The following KYNU variants were observed in gnomAD, a reference collection of about 807,000 sequenced individuals.
The protein encoded by KYNU is L-kynurenine hydrolase.
In KYNU, 54 loss-of-function variants were observed where a neutral mutation model predicts 59.2. The observed-to-expected ratio is 0.91, with a 90% CI of 0.73 to 1.14. The LOEUF (loss-of-function observed/expected upper bound fraction) is 1.14, where lower values mean the gene tolerates loss of function less well. Among genes scored for constraint, KYNU ranks in the 50% most tolerant of loss-of-function variants. The probability of loss-of-function intolerance (pLI) is 0.00; values close to 1 mark genes in which losing one functional copy is unlikely to be tolerated. For missense variants in KYNU, 567 were observed against 554.4 expected (o/e 1.02, Z -0.23); for synonymous variants, 177 against 192.0 (o/e 0.92, Z 0.65).
At chr2:142,972,411 C>A (rs1037548270) in intron 8 of KYNU, among the ~76,000 whole-genome samples, 14 of 152,116 alleles carry the variant, frequency 9.2e-5, no homozygotes, top group Non-Finnish European at 1.8e-4. Context: ...TATCTCTCAT[C>A]TCTGGATTTG....
chr2:143,031,151 C>T (rs949752755), intron 11 of KYNU, among the ~76,000 whole-genome samples: 5 of 152,144 alleles, frequency 3.3e-5, no homozygotes, highest in Non-Finnish European at 5.9e-5. Context: ...CCAGTCAAGT[C>T]AGGATACCTG....
At chr2:142,896,532 GC>G in intron 2 of KYNU, among the ~76,000 whole-genome samples, 1 of 151,874 alleles carries the variant, frequency 6.6e-6, no homozygotes, top group South Asian at 2.1e-4. Context: ...GGATTTTGGA[GC>G]TTTTTGTTTT....
At chr2:142,987,037 T>A (rs1277381226) in intron 10 of KYNU, among the ~76,000 whole-genome samples, 1 of 151,834 alleles carries the variant, frequency 6.6e-6, no homozygotes, top group African/African-American at 2.4e-5. Context: ...TTAAATATCT[T>A]TGGACAGATA....
intron 8 of KYNU, among the ~76,000 whole-genome samples, chr2:142,963,387 A>G (rs1684416889): frequency 6.6e-6 from 1 of 152,158 alleles, no homozygotes; most frequent in Non-Finnish European, 1.5e-5. Flanking sequence ...ACATAAATAT[A>G]TTGCTCACAG....
intron 10 of KYNU, among the ~76,000 whole-genome samples, chr2:142,988,246 C>A (rs1685280960): frequency 6.6e-6 from 1 of 151,866 alleles, no homozygotes; most frequent in Non-Finnish European, 1.5e-5. Flanking sequence ...TTAGTACTGA[C>A]CCCTAAGTAC....
chr2:143,017,618 A>T (rs1463987616), intron 10 of KYNU, among the ~76,000 whole-genome samples: 1 of 151,330 alleles, frequency 6.6e-6, no homozygotes, highest in East Asian at 1.9e-4. Context: ...TTGTATTTTT[A>T]GTAGAGACAT....
intron 8 of KYNU, among the ~76,000 whole-genome samples, chr2:142,967,762 G>T (rs1483998581): frequency 6.6e-6 from 1 of 151,998 alleles, no homozygotes; most frequent in Non-Finnish European, 1.5e-5. Context: ...AGAAAGCTTG[G>T]CCGTGATGCT....
At chr2:143,020,826 C>G (rs1686385063) in intron 10 of KYNU, among the ~76,000 whole-genome samples, 1 of 152,150 alleles carries the variant, frequency 6.6e-6, no homozygotes, top group Non-Finnish European at 1.5e-5. Flanking sequence ...TTTCGTAGGT[C>G]AATGGTGTTT....
At chr2:143,040,119 T>G (rs1686994885) in intron 12 of KYNU, among the ~76,000 whole-genome samples, 2 of 152,090 alleles carry the variant, frequency 1.3e-5, no homozygotes, top group African/African-American at 2.4e-5. Context: ...GAAACAGTTG[T>G]GATGGAGGCC....
chr2:143,055,292 A>G lies in KYNU; in HGVS notation c.*13120A>G, dbSNP rs997348901. ...GTTTCTTTCTGGAGGTTCCAGGGGG[A>G]ACTCTGTTTTCTTACTTTTTTTAGA... On this transcript the variant is annotated 3_prime_UTR_variant, in exon 14 of 14. Transcript: ENST00000264170. The G allele has an allele frequency of 6.6e-6, 1 of 151,954 alleles. No individual in the cohort carries two copies. Among genetic ancestry groups the G allele is most frequent in the African/African-American group, 2.4e-5 (1 of 41,346 alleles). The allele number at this position is 151,954 out of a possible 1,614,324, so 9.4% of individuals were successfully genotyped here. A position where few individuals can be genotyped will look rare whatever the true frequency, so the allele number is the denominator to read the frequency against.
At position 142,901,181 on chromosome 2, in the gene KYNU, T is replaced by G. The variant is rs1240012245; in HGVS notation, c.169+15645T>G. 1.3e-5 allele frequency among the ~76,000 whole-genome samples: 2 copies of G among 152,084 alleles called. 1 individual carries two copies. Among genetic ancestry groups the G allele is most frequent in the Admixed American group, 1.3e-4 (2 of 15,264 alleles). On this transcript the variant is annotated intron_variant, in intron 2 of 13. Transcript: ENST00000264170. ...TTTTGAAAAAGCGTGGTCCAGTAAA[T>G]AATGATTTGGCCATCTGATGGGTGC...
intron 12 of KYNU, among the ~76,000 whole-genome samples, chr2:143,039,109 A>T (rs966620219): frequency 6.6e-6 from 1 of 152,140 alleles, no homozygotes; most frequent in African/African-American, 2.4e-5. Context: ...CAGCCCACAA[A>T]TGGCAGTATT....
rs1222588462 is a variant in KYNU at position 143,054,091 on chromosome 2, G to T, written c.*11919G>T. The stretch of plus-strand genomic sequence containing the variant: ...GAGTGAGAGAGTAGAAATAACACTG[G>T]TTTTTTCCCTATGTCCTTACAACCA... On this transcript the variant is annotated 3_prime_UTR_variant, in exon 14 of 14. Coordinates refer to ENST00000264170, the MANE Select transcript of KYNU (RefSeq NM_003937.3). The T allele has an allele frequency of 1.3e-5, 2 of 151,986 alleles. No individual in the cohort carries two copies. Among genetic ancestry groups the T allele is most frequent in the Non-Finnish European group, 2.9e-5 (2 of 67,988 alleles). 9.4% of individuals were successfully genotyped at this position (151,986 alleles called of 1,614,324 possible).
chr2:142,995,946 T>C (rs1685526280), intron 10 of KYNU, among the ~76,000 whole-genome samples: 1 of 152,118 alleles, frequency 6.6e-6, no homozygotes, highest in African/African-American at 2.4e-5. Context: ...TCTCTATATG[T>C]GCCTGAACTA....
rs940647526 is a variant in KYNU at position 143,048,589 on chromosome 2, T to C, written c.*6417T>C. The C allele has an allele frequency of 6.6e-6, 1 of 152,218 alleles. No homozygotes were observed. The highest frequency in any genetic ancestry group is 2.4e-5 in the African/African-American group (1 of 41,460). 9.4% of individuals were successfully genotyped at this position (152,218 alleles called of 1,614,324 possible). On this transcript the variant is annotated 3_prime_UTR_variant, in exon 14 of 14. Coordinates refer to ENST00000264170, the MANE Select transcript of KYNU (RefSeq NM_003937.3). ...ACAATTCATTTTAATGAAAAACTTT[T>C]AGTGGTAAATTGTATTAGTCTTTGG...
At chr2:143,006,537 A>G (rs1685906860) in intron 10 of KYNU, among the ~76,000 whole-genome samples, 1 of 82,122 alleles carries the variant, frequency 1.2e-5, no homozygotes, top group Non-Finnish European at 2.4e-5. Context: ...GGAAGCTCAA[A>G]CTGGGTGGAG....
chr2:142,948,340 G>GT (rs946881997), intron 4 of KYNU, among the ~76,000 whole-genome samples: 2 of 152,216 alleles, frequency 1.3e-5, no homozygotes, highest in African/African-American at 4.8e-5. Flanking sequence ...TTAATGGAAT[G>GT]TTGGGGCTGG....
At chr2:142,888,931 A>G (rs1681607175) in intron 2 of KYNU, among the ~76,000 whole-genome samples, 1 of 150,692 alleles carries the variant, frequency 6.6e-6, no homozygotes, top group African/African-American at 2.5e-5. Context: ...AGCACTCTAA[A>G]TGATAATGAG....
At chr2:142,889,623 G>C (rs891001250) in intron 2 of KYNU, among the ~76,000 whole-genome samples, 4 of 152,076 alleles carry the variant, frequency 2.6e-5, no homozygotes, top group African/African-American at 9.7e-5. Flanking sequence ...AGAATACTAT[G>C]TTCTGACCCC....
Sources: allele counts gnomAD v4.1 joint callset (sites outside exome capture counted in the v4.1 genomes callset), GRCh38; gene constraint gnomAD v4.1.1; transcripts MANE v1.5; gene names NCBI Gene and HGNC (gene_info 2026-07-23, HGNC 2026-07-21).